CARMIL3: variants seen among roughly 807,000 people sequenced by gnomAD.
The protein encoded by CARMIL3 is capping protein regulator and myosin 1 linker 3, also known as capping protein, Arp2/3 and myosin-I linker protein 3.
In CARMIL3, 88 loss-of-function variants were observed where a neutral mutation model predicts 180.8. The observed-to-expected ratio is 0.49, with a 90% CI of 0.41 to 0.58. CARMIL3 has a LOEUF of 0.58. Among genes scored for constraint, CARMIL3 ranks in the 20% least tolerant of loss-of-function variants. CARMIL3 has a pLI of 0.00. For missense variants in CARMIL3, 1,548 were observed against 1,787.0 expected, an observed-to-expected ratio of 0.87 and a Z score of 2.41; for synonymous variants, 696 against 714.5, an observed-to-expected ratio of 0.97 and a Z score of 0.41.
At chr14:24,066,068 AGTATT>A (rs1290687127) in intron 34 of CARMIL3, among the ~76,000 whole-genome samples, 1 of 152,246 alleles carries the variant, frequency 6.6e-6, no homozygotes, top group East Asian at 1.9e-4. Flanking sequence ...TTACTTACAT[AGTATT>A]TTTATTTAAA....
At chr14:24,067,346 A>G (rs1026778274) in intron 36 of CARMIL3, among the ~76,000 whole-genome samples, 2 of 152,254 alleles carry the variant, frequency 1.3e-5, no homozygotes, top group African/African-American at 4.8e-5. Context: ...CGCTCAGTCC[A>G]GCAGTTGCCA....
At position 24,054,152 on chromosome 14, in the gene CARMIL3, A is replaced by G; in HGVS notation, c.186+14A>G. The stretch of plus-strand genomic sequence containing the variant: ...GTCCCGGCCAAGGTGAGTTGGGCTG[A>G]GGAGCAGGAGAGCACCTGGCATGCT... On this transcript the variant is annotated intron_variant, in intron 3 of 39. Coordinates refer to ENST00000342740, the MANE Select transcript of CARMIL3 (RefSeq NM_138360.4). This position sits in a 1 kb window ranked among gnomAD's most constrained non-coding sequence, Gnocchi z 5.1. 1.2e-6 allele frequency: 2 copies of G among 1,614,154 alleles called. No homozygotes were observed. The highest frequency in any genetic ancestry group is 1.7e-6 in the Non-Finnish European group (2 of 1,180,006).
intron 29 of CARMIL3, 75 bp downstream of exon 29, chr14:24,062,921 C>T (rs1394889451): frequency 1.9e-6 from 3 of 1,554,286 alleles, no homozygotes; most frequent in Non-Finnish European, 2.6e-6. Flanking sequence ...TGTCCCCTTC[C>T]ACTGATCTGT....
In CARMIL3 at chr14:24,065,633, G is replaced by T; in HGVS notation, c.3408G>T (p.Gly1136=). The part of the protein sequence containing the change: ...PSFRRKMGTE[G]SEPGEGGPAP... ...AGACCTTGTTCTAGGGCACTGAGGGGTCAGAGCCAGGGGAGGGGGGCCCAG... is the reference window on the plus strand; with the variant it reads ...AGACCTTGTTCTAGGGCACTGAGGGTTCAGAGCCAGGGGAGGGGGGCCCAG... The change falls in exon 34 of 40, where the codon GGG becomes GGT. Residue 1136 remains glycine, a synonymous_variant. Transcript: ENST00000342740. 1.9e-6 allele frequency: 3 copies of T among 1,612,216 alleles called. No homozygotes were observed. The highest frequency in any genetic ancestry group is 8.5e-7 in the Non-Finnish European group (1 of 1,179,180).
In CARMIL3 at chr14:24,054,840, G is replaced by A. The variant is rs761524578; in HGVS notation, c.460+32G>A. On this transcript the variant is annotated intron_variant, in intron 6 of 39. Transcript: ENST00000342740. The surrounding 1 kb of genome is among the most constrained non-coding windows in gnomAD (Gnocchi z 5.1). ...AGGGGCAGATGTGAGGAAAGTAGGCGCTCCACCATCTTGCCCCATGATCAG... is the reference window on the plus strand; with the variant it reads ...AGGGGCAGATGTGAGGAAAGTAGGCACTCCACCATCTTGCCCCATGATCAG... 10 of 1,591,634 alleles carry A rather than the reference G, an allele frequency of 6.3e-6. No individual in the cohort carries two copies. The highest frequency in any genetic ancestry group is 1.7e-4 in the Middle Eastern group (1 of 6,010).
At position 24,058,156 on chromosome 14, in the gene CARMIL3, G is replaced by T. The variant is rs771713893; in HGVS notation, c.1324G>T (p.Ala442Ser). ...GGCCTGCTGACCTCCCTCCCACAGGGCGCTGCTTCAGGGCCTCTCCCTCAA... is the reference window on the plus strand; with the variant it reads ...GGCCTGCTGACCTCCCTCCCACAGGTCGCTGCTTCAGGGCCTCTCCCTCAA... ...ATKLPLEALR[A>S]LLQGLSLNSH... The change falls in exon 17 of 40, where the codon GCG becomes TCG. Residue 442 changes from alanine (A) to serine (S), a missense_variant and splice_region_variant. This residue lies in a region of CARMIL3 where 578 missense variants were observed against 666.5 expected (regional missense o/e 0.87). Transcript: ENST00000342740. This position sits in a 1 kb window ranked among gnomAD's most constrained non-coding sequence, Gnocchi z 6.4. The T allele has an allele frequency of 8.7e-6, 14 of 1,613,700 alleles. No homozygotes were observed. In the Admixed American group the frequency reaches 2.2e-4, roughly 25 times the overall value.
In CARMIL3 at chr14:24,060,195, G is replaced by C; in HGVS notation, c.2001G>C (p.Thr667=). The C allele has an allele frequency of 6.2e-7, 1 of 1,614,176 alleles. No individual in the cohort carries two copies. The highest frequency in any genetic ancestry group is 2.2e-5 in the East Asian group (1 of 44,886). Residue 667 remains threonine (T), a synonymous_variant, in exon 24 of 40, where the codon ACG becomes ACC. Transcript: ENST00000342740. ...WCLVRNNHSQ[T]CPQEQAFRLQ... ...TAGTGAGGAACAACCACTCCCAGACGTGCCCCCAGGAGCAGGCCTTCAGGT... is the reference window on the plus strand; with the variant it reads ...TAGTGAGGAACAACCACTCCCAGACCTGCCCCCAGGAGCAGGCCTTCAGGT...
In CARMIL3 at chr14:24,059,937, G is replaced by C; in HGVS notation, c.1869-33G>C. On this transcript the variant is annotated intron_variant, in intron 22 of 39. Coordinates refer to ENST00000342740, the MANE Select transcript of CARMIL3 (RefSeq NM_138360.4). This position sits in a 1 kb window ranked among gnomAD's most constrained non-coding sequence, Gnocchi z 6.3. ...AGGCAGGGGCCTCCCATCCTCACCT[G>C]TTCCCACCCAGCTGTGCCCCTGTGT... 6.2e-7 allele frequency: 1 copy of C among 1,612,008 alleles called. No individual in the cohort carries two copies. Among genetic ancestry groups the C allele is most frequent in the Non-Finnish European group, 8.5e-7 (1 of 1,178,520 alleles).
chr14:24,059,978 C>T lies in CARMIL3; in HGVS notation c.1877C>T (p.Thr626Met), dbSNP rs759073525. 1.9e-6 allele frequency: 3 copies of T among 1,613,954 alleles called. No individual in the cohort carries two copies. Among genetic ancestry groups the T allele is most frequent in the Non-Finnish European group, 2.5e-6 (3 of 1,179,986 alleles). The change falls in exon 23 of 40, where the codon ACG becomes ATG. Residue 626 changes from threonine (T) to methionine (M), a missense_variant. Around this residue, in one of 4 missense-constraint regions of CARMIL3, gnomAD observed 297 missense variants for 415.9 expected, o/e 0.71. Transcript: ENST00000342740. This position sits in a 1 kb window ranked among gnomAD's most constrained non-coding sequence, Gnocchi z 6.3. The part of the protein sequence containing the change: ...DIARALESNH[T>M]LRFMSFPVSD... ...GCCCCTGTGTCCCACAGCAACCACA[C>T]GCTGCGCTTCATGTCCTTCCCCGTG... is the stretch of plus-strand genomic sequence containing the variant.
In CARMIL3 at chr14:24,058,069, G is replaced by A. The variant is rs773866626; in HGVS notation, c.1322+5G>A. The A allele has an allele frequency of 5.0e-6, 8 of 1,613,728 alleles. No individual in the cohort carries two copies. The highest frequency in any genetic ancestry group is 6.8e-6 in the Non-Finnish European group (8 of 1,180,030). On this transcript the variant is annotated splice_donor_5th_base_variant and intron_variant, in intron 16 of 39. Transcript: ENST00000342740. This position sits in a 1 kb window ranked among gnomAD's most constrained non-coding sequence, Gnocchi z 6.4. ...GCTGCCCCTGGAGGCCCTCAGGTCGGGTGGGTGCAGGGTTGGGGGCGCATC... is the reference window on the plus strand; with the variant it reads ...GCTGCCCCTGGAGGCCCTCAGGTCGAGTGGGTGCAGGGTTGGGGGCGCATC...
rs878910801 is a variant in CARMIL3 at position 24,063,251 on chromosome 14, A to AT, written c.2771-68dup. 77 of 1,593,056 alleles carry AT rather than the reference A, an allele frequency of 4.8e-5. No homozygotes were observed. In the Middle Eastern group the frequency reaches 8.3e-4, roughly 17 times the overall value. ...CCCTCTGTAGCCCCTCTTTCCCTTG[A>AT]TTTTTTCTCTGTCTCCCCATCCTGC... On this transcript the variant is annotated intron_variant, in intron 30 of 39. Transcript: ENST00000342740.
Position 24,055,702 on chromosome 14 carries a change from G to A in CARMIL3, c.683G>A (p.Gly228Asp), listed in dbSNP as rs1168606794. Residue 228 changes from glycine to aspartate, a missense_variant and splice_region_variant, in exon 10 of 40, where the codon GGC (glycine) becomes GAC (aspartate). Physicochemically the swap from Gly to Asp is moderately conservative, Grantham distance 94 (BLOSUM62 -1). This residue lies in a region of CARMIL3 where 578 missense variants were observed against 666.5 expected (regional missense o/e 0.87). Transcript: ENST00000342740. ...TKLYCKDLRL[G>D]SEVLEQVLHT... ...CACAAGACCCCCCTCTGTCCTCAGG[G>A]CTCTGAAGTGCTAGAACAGGTGCTA... 1 of 1,614,000 alleles carries A rather than the reference G, an allele frequency of 6.2e-7. No homozygotes were observed. Among genetic ancestry groups the A allele is most frequent in the African/African-American group, 1.3e-5 (1 of 74,882 alleles).
intron 24 of CARMIL3, 136 bp from the exon 25 acceptor site, chr14:24,060,492 G>T: frequency 1.5e-6 from 2 of 1,342,788 alleles, no homozygotes; most frequent in South Asian, 1.3e-5. Context: ...GAAGGCTGTA[G>T]CAATGGGGAC....
Position 24,059,688 on chromosome 14 carries a change from T to C in CARMIL3, c.1824T>C (p.Asn608=). 2.5e-6 allele frequency: 4 copies of C among 1,613,932 alleles called. No individual in the cohort carries two copies. The highest frequency in any genetic ancestry group is 3.4e-6 in the Non-Finnish European group (4 of 1,179,988). ...GAACTATCCTATGGGATCGGAACAA[T>C]ACATCTGCCCTGGGCTTCCTGGACA... ...SLRTILWDRN[N]TSALGFLDIA... The change falls in exon 22 of 40, where the codon AAT becomes AAC. Residue 608 remains asparagine, a synonymous_variant. Coordinates refer to ENST00000342740, the MANE Select transcript of CARMIL3 (RefSeq NM_138360.4). The surrounding 1 kb of genome is among the most constrained non-coding windows in gnomAD (Gnocchi z 6.3).
At chr14:24,063,017 C>T in intron 29 of CARMIL3, 103 bp from the exon 30 acceptor site, 3 of 1,549,524 alleles carry the variant, frequency 1.9e-6, no homozygotes, top group Non-Finnish European at 2.6e-6. Flanking sequence ...GTGCCTCAGC[C>T]CCCTGAGGAG....
Position 24,056,385 on chromosome 14 carries a change from A to T in CARMIL3, c.857A>T (p.Glu286Val). The T allele has an allele frequency of 6.2e-7, 1 of 1,613,104 alleles. No individual in the cohort carries two copies. Among genetic ancestry groups the T allele is most frequent in the Non-Finnish European group, 8.5e-7 (1 of 1,179,340 alleles). The change falls in exon 11 of 40, where the codon GAG becomes GTG. Residue 286 changes from glutamate (E) to valine (V), a missense_variant. Glu to Val is a moderately radical substitution (Grantham distance 121). This residue lies in a region of CARMIL3 where 578 missense variants were observed against 666.5 expected (regional missense o/e 0.87). Transcript: ENST00000342740. The part of the protein sequence containing the change: ...HALTLSHNPI[E>V]DKGFLSLSQQ... ...CTCACTCTGTCCCACAACCCCATCG[A>T]GGACAAGGGTGAGCCCCAGCCCTGA...
intron 10 of CARMIL3, 81 bp from the exon 11 acceptor site, chr14:24,056,218 T>C: frequency 8.7e-7 from 1 of 1,154,766 alleles, no homozygotes; most frequent in Admixed American, 2.1e-5. Context: ...AGCCAGGCAG[T>C]CAGGTAGAGG....
intron 1 of CARMIL3, among the ~76,000 whole-genome samples, chr14:24,053,365 A>G (rs1450960186): frequency 6.6e-6 from 1 of 152,082 alleles, no homozygotes; most frequent in African/African-American, 2.4e-5. Flanking sequence ...GTATGTGTCA[A>G]TGGCTGTTGT....
chr14:24,068,397 CAA>C (rs796263850), intron 36 of CARMIL3, among the ~76,000 whole-genome samples, 185 bp from the exon 37 acceptor site: 16 of 66,452 alleles, frequency 2.4e-4, no homozygotes, highest in Admixed American at 3.5e-4. Flanking sequence ...ACTCCATCTC[CAA>C]AAAAAAAAAA....
Sources: allele counts gnomAD v4.1 joint callset (sites outside exome capture counted in the v4.1 genomes callset), GRCh38; gene constraint gnomAD v4.1.1; regional missense constraint gnomAD v4.1.1; non-coding constraint Gnocchi (gnomAD v3.1); transcripts MANE v1.5; gene names NCBI Gene and HGNC (gene_info 2026-07-23, HGNC 2026-07-21).